ASIC2: variants seen among roughly 807,000 people sequenced by gnomAD.
The protein encoded by ASIC2 is acid-sensing ion channel 2.
ASIC2 carries 25 observed loss-of-function variants against 57.3 expected under a neutral mutation model. The ratio of observed to expected loss-of-function variants is 0.44; its 90% CI spans 0.32 to 0.61. The LOEUF (loss-of-function observed/expected upper bound fraction) is 0.61. Among genes scored for constraint, ASIC2 ranks in the 20% least tolerant of loss-of-function variants. The pLI is 0.06. For missense variants in ASIC2, 641 were observed against 738.1 expected, an observed-to-expected ratio of 0.87 and a Z score of 1.52; for synonymous variants, 319 against 307.5, an observed-to-expected ratio of 1.04 and a Z score of -0.39.
At position 33,712,635 on chromosome 17, in the gene ASIC2, G is replaced by GTTTTTTTTTTTT. The variant is rs1567695931; in HGVS notation, c.555+443342_555+443343insAAAAAAAAAAAA. On this transcript the variant is annotated intron_variant, in intron 1 of 9. Transcript: ENST00000359872. ...CTTTGCTTCCAAGCTTACTCATATG[G>GTTTTTTTTTTTT]CTTTTTTTTTTTTTTTTTTTTTTTT... Among the ~76,000 whole-genome samples, 652 of 123,254 alleles carry GTTTTTTTTTTTT rather than the reference G, an allele frequency of 5.3e-3. 32 individuals are homozygous for GTTTTTTTTTTTT. The highest frequency in any genetic ancestry group is 0.02 in the African/African-American group (622 of 30,848). The allele number at this position is 123,254 out of a possible 152,430, so 80.9% of individuals were successfully genotyped here. A position where few individuals can be genotyped will look rare whatever the true frequency, so the allele number is the denominator to read the frequency against.
chr17:33,337,701 A>G (rs772807013), intron 1 of ASIC2, among the ~76,000 whole-genome samples: 2 of 151,716 alleles, frequency 1.3e-5, no homozygotes, highest in Non-Finnish European at 2.9e-5. Context: ...GATGTTCTGG[A>G]AGGGCAAAGA....
chr17:33,471,810 T>C (rs1913060134), intron 1 of ASIC2, among the ~76,000 whole-genome samples: 2 of 152,184 alleles, frequency 1.3e-5, no homozygotes, highest in South Asian at 2.1e-4. Context: ...TAATAACAAA[T>C]ATCTATTGAA....
upstream of ASIC2, among the ~76,000 whole-genome samples, chr17:33,294,564 C>G (rs963027024): frequency 4.6e-5 from 7 of 152,012 alleles, no homozygotes; most frequent in African/African-American, 1.7e-4. Context: ...TCATTTCCCA[C>G]TCACCCACAT....
chr17:33,261,879 C>G (rs529173135), intron 1 of ASIC2, among the ~76,000 whole-genome samples: 1 of 152,286 alleles, frequency 6.6e-6, no homozygotes, highest in African/African-American at 2.4e-5. Context: ...CCAGAGGAGG[C>G]CAGCTGGCCT....
chr17:34,148,542 A>G (rs1398268866), intron 1 of ASIC2, among the ~76,000 whole-genome samples: 1 of 152,208 alleles, frequency 6.6e-6, no homozygotes, highest in South Asian at 2.1e-4. Flanking sequence ...CCATTTTGAC[A>G]TAGAATCTAG....
chr17:33,538,204 T>C (rs1302953398), intron 1 of ASIC2, among the ~76,000 whole-genome samples: 1 of 152,160 alleles, frequency 6.6e-6, no homozygotes, highest in Non-Finnish European at 1.5e-5. Context: ...TAGTTGGACC[T>C]TAGAGACAGG....
At chr17:34,099,200 GAAAGAAAGAAAGGAAAGAAAA>G in intron 1 of ASIC2, among the ~76,000 whole-genome samples, 2 of 98,442 alleles carry the variant, frequency 2.0e-5, no homozygotes, top group Admixed American at 1.1e-4. Context: ...AAGAAAGAAA[GAAAGAAAGAAAGGAAAGAAAA>G]GAAAGAAAAA....
intron 1 of ASIC2, among the ~76,000 whole-genome samples, chr17:33,159,102 C>T (rs1194523228): frequency 3.9e-5 from 6 of 152,318 alleles, no homozygotes; most frequent in African/African-American, 1.4e-4. Flanking sequence ...TGCTTTCCAG[C>T]TGCCACCTTT....
At chr17:34,059,913 G>A (rs1429482848) in intron 1 of ASIC2, among the ~76,000 whole-genome samples, 1 of 152,166 alleles carries the variant, frequency 6.6e-6, no homozygotes, top group African/African-American at 2.4e-5. Flanking sequence ...TACCCACCCT[G>A]GTAGCAAAAG....
chr17:33,815,925 C>A (rs1295483650), intron 1 of ASIC2, among the ~76,000 whole-genome samples: 1 of 152,092 alleles, frequency 6.6e-6, no homozygotes, highest in Non-Finnish European at 1.5e-5. Flanking sequence ...AAATCCAGGG[C>A]TAGTATCACA....
At chr17:33,702,771 A>G (rs376197263) in intron 1 of ASIC2, among the ~76,000 whole-genome samples, 90 of 152,322 alleles carry the variant, frequency 5.9e-4, no homozygotes, top group African/African-American at 2.1e-3. Flanking sequence ...GAGGTTAGCT[A>G]TATAAGTGTC....
At chr17:33,744,708 A>G (rs750568525) in intron 1 of ASIC2, among the ~76,000 whole-genome samples, 2 of 152,204 alleles carry the variant, frequency 1.3e-5, no homozygotes, top group Non-Finnish European at 2.9e-5. Flanking sequence ...AGGCAACAAA[A>G]CTGCCTGTGA....
Position 33,272,280 on chromosome 17 carries a change from C to T in ASIC2, c.708+19128G>A, listed in dbSNP as rs114818373. On this transcript the variant is annotated intron_variant, in intron 1 of 9. Transcript: ENST00000225823. The stretch of plus-strand genomic sequence containing the variant: ...CATTTGTTTATATGTTTACCATCTA[C>T]CTTTACCATCCCATTCCATCCCATT... Among the ~76,000 whole-genome samples, 306 of 152,288 alleles carry T rather than the reference C, an allele frequency of 2.0e-3. 1 individual carries two copies. Among genetic ancestry groups the T allele is most frequent in the African/African-American group, 7.1e-3 (294 of 41,562 alleles).
chr17:33,993,216 T>C (rs1906053778), intron 1 of ASIC2, among the ~76,000 whole-genome samples: 1 of 152,208 alleles, frequency 6.6e-6, no homozygotes, highest in African/African-American at 2.4e-5. Context: ...CATTGGTAGA[T>C]TGGTAGCTTC....
At chr17:33,769,548 T>C (rs1175782308) in intron 1 of ASIC2, among the ~76,000 whole-genome samples, 1 of 152,220 alleles carries the variant, frequency 6.6e-6, no homozygotes, top group Non-Finnish European at 1.5e-5. Context: ...TAGTTGTTCT[T>C]CCTTTCTGAA....
At chr17:33,734,101 C>T (rs938397995) in intron 1 of ASIC2, among the ~76,000 whole-genome samples, 1 of 152,182 alleles carries the variant, frequency 6.6e-6, no homozygotes, top group Non-Finnish European at 1.5e-5. Context: ...TCATCTCCCC[C>T]CTACCCCACA....
intron 1 of ASIC2, among the ~76,000 whole-genome samples, chr17:33,366,388 T>A (rs1352207745): frequency 2.0e-5 from 3 of 152,230 alleles, no homozygotes; most frequent in Admixed American, 6.5e-5. Context: ...CTCTAGATGC[T>A]CTCAGCTCTT....
intron 1 of ASIC2, among the ~76,000 whole-genome samples, chr17:33,276,399 C>T (rs543313443): frequency 6.6e-6 from 1 of 152,298 alleles, no homozygotes; most frequent in East Asian, 1.9e-4. Flanking sequence ...AAGCTTCTAG[C>T]TGCATTACCT....
intron 1 of ASIC2, among the ~76,000 whole-genome samples, chr17:33,823,434 C>G (rs555443360): frequency 6.6e-6 from 1 of 152,258 alleles, no homozygotes; most frequent in African/African-American, 2.4e-5. Flanking sequence ...CAGAAAACTG[C>G]CTCAGAAGCC....
Sources: gnomAD v4.1 joint callset for allele counts (sites outside exome capture counted in the v4.1 genomes callset) on GRCh38, gnomAD v4.1.1 for gene constraint, MANE v1.5 for transcripts, NCBI Gene and HGNC (gene_info 2026-07-23, HGNC 2026-07-21) for gene names.